BCR: variants seen among roughly 807,000 people sequenced by gnomAD.
BCR encodes the protein breakpoint cluster region protein.
A neutral mutation model predicts 138.6 loss-of-function variants in BCR; 58 were observed. That is an observed-to-expected ratio of 0.42 (90% CI 0.34 to 0.52). The LOEUF (loss-of-function observed/expected upper bound fraction) is 0.52, where lower values mean the gene tolerates loss of function less well. Ranked by LOEUF, BCR falls within the 20% of genes least tolerant of loss-of-function variation. The pLI, the probability that BCR is intolerant of heterozygous loss-of-function variation, is 0.06. For synonymous variants in BCR, 786 were observed against 730.1 expected (o/e 1.08, Z -1.23); for missense variants, 1,599 against 1,727.2 (o/e 0.93, Z 1.32).
At position 23,285,108 on chromosome 22, in the gene BCR, G is replaced by T. The variant is rs1438247624; in HGVS notation, c.2313G>T (p.Glu771Asp). The change falls in exon 10 of 23, where the codon GAG becomes GAT. Residue 771 changes from glutamate to aspartate, a missense_variant. Transcript: ENST00000305877. ...GCTTCCAGATGGTGGATGAACTGGA[G>T]GCAGTGCCCAACATCCCCCTGGTGC... ...DLSFQMVDEL[E>D]AVPNIPLVPD... 1.2e-6 allele frequency: 2 copies of T among 1,614,016 alleles called. No homozygotes were observed. Among genetic ancestry groups the T allele is most frequent in the East Asian group, 4.5e-5 (2 of 44,898 alleles).
At chr22:23,278,749 GA>G (rs1422857841) in intron 8 of BCR, among the ~76,000 whole-genome samples, 2 of 152,138 alleles carry the variant, frequency 1.3e-5, no homozygotes, top group East Asian at 3.9e-4. Flanking sequence ...AAAAGAGTTG[GA>G]AAACAGTTGG....
chr22:23,261,483 C>A lies in BCR; in HGVS notation c.1695C>A (p.Phe565Leu), dbSNP rs747346679. ...ACAAGGAGTTCTATGATGGGCTCTT[C>A]CCCCGCGTGCAGCAGTGGAGCCACC... ...EIHKEFYDGL[F>L]PRVQQWSHQQ... is the part of the protein sequence containing the mutation. The change falls in exon 4 of 23, where the codon TTC becomes TTA. Residue 565 changes from phenylalanine to leucine, a missense_variant. Coordinates refer to ENST00000305877, the MANE Select transcript of BCR (RefSeq NM_004327.4). 6.2e-7 allele frequency: 1 copy of A among 1,613,590 alleles called. No homozygotes were observed. Among genetic ancestry groups the A allele is most frequent in the Non-Finnish European group, 8.5e-7 (1 of 1,179,984 alleles).
Position 23,297,207 on chromosome 22 carries a change from G to GTTTTTTTTTTT in BCR, c.3012+2058_3012+2059insTTTTTTTTTTT, listed in dbSNP as rs1307353327. ...GTGCCCCACCATGCCTGGCTAAGTTGTTTTTTGTTTTTTGTTTTTTTTTTT... is the reference window on the plus strand; with the variant it reads ...GTGCCCCACCATGCCTGGCTAAGTTGTTTTTTTTTTTTTTTTTGTTTTTTGTTTTTTTTTTT... On this transcript the variant is annotated intron_variant, in intron 16 of 22. Transcript: ENST00000305877. Among the ~76,000 whole-genome samples the GTTTTTTTTTTT allele has an allele frequency of 5.1e-4, 50 of 97,368 alleles. 2 individuals are homozygous for GTTTTTTTTTTT. In the Admixed American group the frequency reaches 5.2e-3, roughly 10 times the overall value. The allele number at this position is 97,368 out of a possible 152,430, so 63.9% of individuals were successfully genotyped here.
intron 5 of BCR, among the ~76,000 whole-genome samples, chr22:23,269,321 C>T (rs1049540183): frequency 6.6e-6 from 1 of 152,214 alleles, no homozygotes; most frequent in East Asian, 1.9e-4. Context: ...CTTCATGAGC[C>T]CCCCATCTCG....
chr22:23,209,516 G>T (rs78674950), intron 1 of BCR, among the ~76,000 whole-genome samples: 1 of 151,876 alleles, frequency 6.6e-6, no homozygotes, highest in African/African-American at 2.4e-5. Context: ...TACAAATTTC[G>T]TGGCTTGTTT....
At chr22:23,255,744 C>T (rs1434357582) in intron 2 of BCR, among the ~76,000 whole-genome samples, 1 of 152,192 alleles carries the variant, frequency 6.6e-6, no homozygotes, top group East Asian at 1.9e-4. Flanking sequence ...CAGGGCTTCT[C>T]CTCTGTGAAG....
At chr22:23,314,156 A>C in intron 21 of BCR, 83 bp downstream of exon 21, 4 of 1,102,294 alleles carry the variant, frequency 3.6e-6, no homozygotes, top group Non-Finnish European at 5.5e-6. Flanking sequence ...GACCCCCAAC[A>C]CCGAGGACCT....
rs534305546 is a variant in BCR, at chr22:23,315,767, C to G, written c.*245C>G. 399 of 600,948 alleles carry G rather than the reference C, an allele frequency of 6.6e-4. 5 individuals are homozygous for G. The highest frequency in any genetic ancestry group is 6.3e-3 in the African/African-American group (350 of 55,360). The allele number at this position is 600,948 out of a possible 1,614,324, so 37.2% of individuals were successfully genotyped here. A position where few individuals can be genotyped will look rare whatever the true frequency, so the allele number is the denominator to read the frequency against. ...TGTGGCCACCTGAGGGCGCCCCAAG[C>G]CAGTTCATCTCGGAGTCCAGGCCTG... On this transcript the variant is annotated 3_prime_UTR_variant, in exon 23 of 23. Transcript: ENST00000305877.
At chr22:23,205,660 T>A in intron 1 of BCR, among the ~76,000 whole-genome samples, 1 of 152,060 alleles carries the variant, frequency 6.6e-6, no homozygotes, top group African/African-American at 2.4e-5. Flanking sequence ...TTTTTTTTTT[T>A]TACTTTACTC....
At chr22:23,218,374 A>G in intron 1 of BCR, among the ~76,000 whole-genome samples, 1 of 152,200 alleles carries the variant, frequency 6.6e-6, no homozygotes, top group Non-Finnish European at 1.5e-5. Flanking sequence ...CTTGCTAGCC[A>G]TAGAGCTCTT....
intron 1 of BCR, among the ~76,000 whole-genome samples, chr22:23,226,868 TC>T (rs2072900112): frequency 1.3e-5 from 2 of 152,102 alleles, no homozygotes; most frequent in Admixed American, 1.3e-4. Context: ...AATGAACAGG[TC>T]CCCTCAGTTG....
At chr22:23,245,822 T>G (rs1026119910) in intron 1 of BCR, among the ~76,000 whole-genome samples, 75 of 151,410 alleles carry the variant, frequency 5.0e-4, no homozygotes, top group African/African-American at 1.8e-3. Flanking sequence ...AAAAAAAAAT[T>G]GAGGTAAAAT....
intron 16 of BCR, among the ~76,000 whole-genome samples, chr22:23,295,371 C>T (rs1034610518): frequency 6.6e-6 from 1 of 152,156 alleles, no homozygotes; most frequent in Non-Finnish European, 1.5e-5. Context: ...TCTGTTGCGT[C>T]GGCTCATTCC....
chr22:23,201,945 C>G (rs1157712015), intron 1 of BCR, among the ~76,000 whole-genome samples: 1 of 152,176 alleles, frequency 6.6e-6, no homozygotes, highest in Non-Finnish European at 1.5e-5. Context: ...TTCTTGCCAA[C>G]TTTTGAGATA....
chr22:23,199,744 T>C (rs1409014160), intron 1 of BCR, among the ~76,000 whole-genome samples: 1 of 152,196 alleles, frequency 6.6e-6, no homozygotes, highest in Non-Finnish European at 1.5e-5. Flanking sequence ...CTTTCAAGTC[T>C]GTGAATTAAT....
chr22:23,261,331 T>C, intron 3 of BCR, 24 bp from the exon 4 acceptor site: 1 of 1,604,478 alleles, frequency 6.2e-7, no homozygotes, highest in Non-Finnish European at 8.5e-7. Context: ...TCACCTGTGC[T>C]ACCTCACTTG....
At chr22:23,203,462 A>T (rs2072578561) in intron 1 of BCR, among the ~76,000 whole-genome samples, 1 of 152,208 alleles carries the variant, frequency 6.6e-6, no homozygotes, top group South Asian at 2.1e-4. Flanking sequence ...TGGGATTTTC[A>T]TTCCAGAGAA....
Position 23,273,676 on chromosome 22 carries a change from T to G in BCR, c.2017T>G (p.Leu673Val), listed in dbSNP as rs1453347383. 1 of 1,614,104 alleles carries G rather than the reference T, an allele frequency of 6.2e-7. No homozygotes were observed. The highest frequency in any genetic ancestry group is 8.5e-7 in the Non-Finnish European group (1 of 1,180,032). Residue 673 changes from leucine to valine, a missense_variant, in exon 8 of 23, where the codon TTG becomes GTG. Around this residue, in one of 4 missense-constraint regions of BCR, gnomAD observed 590 missense variants for 762.4 expected, o/e 0.77. Coordinates refer to ENST00000305877, the MANE Select transcript of BCR (RefSeq NM_004327.4). ...TCCTGCCAGCCACCCTGACCACCCC[T>G]TGCTGCAGGACGCCCTCCGCATCTC... ...HTPASHPDHP[L>V]LQDALRISQN...
chr22:23,216,555 T>A (rs963208109), intron 1 of BCR, among the ~76,000 whole-genome samples: 4 of 152,254 alleles, frequency 2.6e-5, no homozygotes, highest in African/African-American at 9.6e-5. Flanking sequence ...AAAAGTGAGA[T>A]GCCCAAAGTG....
Sources: gnomAD v4.1 joint callset for allele counts (sites outside exome capture counted in the v4.1 genomes callset) on GRCh38, gnomAD v4.1.1 for gene constraint, gnomAD v4.1.1 regional missense constraint, MANE v1.5 for transcripts, NCBI Gene and HGNC (gene_info 2026-07-23, HGNC 2026-07-21) for gene names.